The following FDX2 variants were observed in gnomAD, a reference collection of about 807,000 sequenced individuals.
FDX2 encodes ferredoxin 2, also known as ferredoxin-2, mitochondrial.
FDX2 carries 13 observed loss-of-function variants against 18.5 expected under a neutral mutation model. That is an observed-to-expected ratio of 0.70 (90% CI 0.46 to 1.12). The LOEUF (loss-of-function observed/expected upper bound fraction) is 1.12. FDX2 is among the 50% of genes most tolerant of loss of function. FDX2 has a pLI of 0.00. For missense variants in FDX2, 238 were observed against 250.4 expected (o/e 0.95, Z 0.34); for synonymous variants, 132 against 106.2 (o/e 1.24, Z -1.49).
At chr19:10,315,530 A>G in intron 2 of FDX2, 38 bp from the exon 3 acceptor site, 2 of 1,601,882 alleles carry the variant, frequency 1.2e-6, no homozygotes, top group Admixed American at 1.7e-5. Flanking sequence ...GAACTGGATG[A>G]TGGGCTCAGG....
Position 10,310,354 on chromosome 19 carries a change from G to A in FDX2, c.*132C>T. 8.0e-7 allele frequency: 1 copy of A among 1,252,826 alleles called. No homozygotes were observed. The highest frequency in any genetic ancestry group is 1.1e-6 in the Non-Finnish European group (1 of 900,806). The allele number at this position is 1,252,826 out of a possible 1,614,324, so 77.6% of individuals were successfully genotyped here. On this transcript the variant is annotated 3_prime_UTR_variant, in exon 5 of 5. Coordinates refer to ENST00000393708, the MANE Select transcript of FDX2 (RefSeq NM_001031734.4). Reference sequence around the variant, plus strand: ...GGACATGGGACTCTCTCCCAAGCAGGGGTGTTGTCCTTCACAGGGGCTTCC... The same window carrying A: ...GGACATGGGACTCTCTCCCAAGCAGAGGTGTTGTCCTTCACAGGGGCTTCC...
At position 10,315,895 on chromosome 19, in the gene FDX2, C is replaced by T. The variant is rs1568308191; in HGVS notation, c.111G>A (p.Gly37=). 6.2e-7 allele frequency: 1 copy of T among 1,604,418 alleles called. No individual in the cohort carries two copies. The stretch of plus-strand genomic sequence containing the variant: ...TGGTTGTCCCCAGCGCCACCCCCTC[C>T]CCCGACCCGGAAGTGCCCCCAGGTC... Residue 37 remains glycine (G), a synonymous_variant, in exon 1 of 5, where the codon GGG becomes GGA. Coordinates refer to ENST00000393708, the MANE Select transcript of FDX2 (RefSeq NM_001031734.4).
intron 3 of FDX2, among the ~76,000 whole-genome samples, chr19:10,312,215 A>C (rs1599291874): frequency 8.2e-6 from 1 of 121,886 alleles, no homozygotes; most frequent in Non-Finnish European, 1.6e-5. Flanking sequence ...GAGGTTCACC[A>C]TGTGGCCCAG....
At chr19:10,311,033 C>T (rs1599290907) in intron 3 of FDX2, 93 bp from the exon 4 acceptor site, 2 of 877,300 alleles carry the variant, frequency 2.3e-6, no homozygotes, top group Non-Finnish European at 1.8e-6. Context: ...CTCTCTTCCA[C>T]CACGTGCCTC....
At position 10,315,991 on chromosome 19, in the gene FDX2, G is replaced by T. The variant is rs150936648; in HGVS notation, c.15C>A (p.Ala5=). ...TCACGCCTCCCCGGGCCATGGAGGC[G>T]GCCATGACATGCATCACGTGACTCA... is the stretch of plus-strand genomic sequence containing the variant. Residue 5 remains alanine, a synonymous_variant, in exon 1 of 5, where the codon GCC becomes GCA. Transcript: ENST00000393708. 8.4e-4 allele frequency: 1,347 copies of T among 1,603,544 alleles called. 10 individuals carry two copies. In the East Asian group the frequency reaches 0.019, roughly 22 times the overall value.
At chr19:10,313,671 A>ATTTT (rs1198833749) in intron 3 of FDX2, among the ~76,000 whole-genome samples, 1 of 45,412 alleles carries the variant, frequency 2.2e-5, no homozygotes, top group East Asian at 7.7e-4. Flanking sequence ...ATATATATAT[A>ATTTT]TTTTTTTTTT....
chr19:10,315,498 G>C lies in FDX2; in HGVS notation c.210-6C>G. The C allele has an allele frequency of 1.2e-6, 2 of 1,613,148 alleles. No homozygotes were observed. ...CTACGAACACCACGTTCACCCTGGG[G>C]ACAGATGGAAGTGCGAATGCCGAAC... On this transcript the variant is annotated splice_region_variant and splice_polypyrimidine_tract_variant and intron_variant, in intron 2 of 4. Transcript: ENST00000393708.
At position 10,310,250 on chromosome 19, in the gene FDX2, G is replaced by A. The variant is rs2040308912; in HGVS notation, c.*236C>T. 3.4e-6 allele frequency: 2 copies of A among 580,294 alleles called. No individual in the cohort carries two copies. Among genetic ancestry groups the A allele is most frequent in the East Asian group, 5.7e-5 (2 of 34,936 alleles). The allele number at this position is 580,294 out of a possible 1,614,324, so 35.9% of individuals were successfully genotyped here. ...TCGATTTATTGCAGCTCCAATATGA[G>A]TCCACTCCTACTCAAACCCTGATTC... On this transcript the variant is annotated 3_prime_UTR_variant, in exon 5 of 5. Transcript: ENST00000393708.
chr19:10,310,990 G>T, intron 3 of FDX2, 50 bp from the exon 4 acceptor site: 1 of 1,392,978 alleles, frequency 7.2e-7, no homozygotes, highest in Non-Finnish European at 1.0e-6. Context: ...AGTCAGGAAG[G>T]GGCTGCTATG....
chr19:10,315,319 G>GTTTTTTTTTTTTTTTTTT (rs56213243), intron 3 of FDX2, 67 bp downstream of exon 3: 2 of 553,330 alleles, frequency 3.6e-6, no homozygotes, highest in Non-Finnish European at 5.5e-6. Flanking sequence ...TAATTTGTGG[G>GTTTTTTTTTTTTTTTTTT]TTTTTTTTTT....
At chr19:10,315,227 A>AGCTTG in intron 3 of FDX2, 159 bp downstream of exon 3, 1 of 602,910 alleles carries the variant, frequency 1.7e-6, no homozygotes, top group Non-Finnish European at 2.9e-6. Context: ...AACAAATAAG[A>AGCTTG]GCTTGGCAAC....
intron 3 of FDX2, 41 bp downstream of exon 3, chr19:10,315,345 A>AT: frequency 9.0e-6 from 10 of 1,114,244 alleles, no homozygotes; most frequent in Non-Finnish European, 1.1e-5. Context: ...TTTTGGACAA[A>AT]TGTATAAGGA....
At chr19:10,315,648 G>A (rs2040374732) in intron 2 of FDX2, 57 bp downstream of exon 2, 1 of 1,537,026 alleles carries the variant, frequency 6.5e-7, no homozygotes. Flanking sequence ...AGGGCAAGAT[G>A]GGGACCAGAG....
At chr19:10,315,553 T>C (rs1262574528) in intron 2 of FDX2, 61 bp from the exon 3 acceptor site, 3 of 1,577,972 alleles carry the variant, frequency 1.9e-6, no homozygotes, top group African/African-American at 1.4e-5. Flanking sequence ...CCGGGTAGAA[T>C]CTAGGGTTAG....
intron 3 of FDX2, among the ~76,000 whole-genome samples, chr19:10,312,792 C>T (rs2040337615): frequency 6.6e-6 from 1 of 152,136 alleles, no homozygotes; most frequent in African/African-American, 2.4e-5. Flanking sequence ...TCGCCTCAGC[C>T]TCCCAAAGTG....
At position 10,315,371 on chromosome 19, in the gene FDX2, C is replaced by T; in HGVS notation, c.316+15G>A. 7.1e-7 allele frequency: 1 copy of T among 1,413,442 alleles called. No individual in the cohort carries two copies. The highest frequency in any genetic ancestry group is 9.9e-7 in the Non-Finnish European group (1 of 1,014,802). The allele number at this position is 1,413,442 out of a possible 1,614,324, so 87.6% of individuals were successfully genotyped here. ...TGTATAAGGACCTCCTTAATTCCCT[C>T]TGCCCGGTTCCTACCTTCCAGGTCC... On this transcript the variant is annotated intron_variant, in intron 3 of 4. Coordinates refer to ENST00000393708, the MANE Select transcript of FDX2 (RefSeq NM_001031734.4).
intron 3 of FDX2, among the ~76,000 whole-genome samples, chr19:10,315,026 G>A (rs1322090697): frequency 1.3e-5 from 2 of 152,142 alleles, no homozygotes; most frequent in Non-Finnish European, 2.9e-5. Context: ...GCTTGAACCC[G>A]GGAGGTGGAG....
intron 4 of FDX2, 56 bp downstream of exon 4, chr19:10,310,797 G>A: frequency 6.4e-7 from 1 of 1,567,522 alleles, no homozygotes. Context: ...AGGATGGTGG[G>A]GGCTGCTGAA....
At chr19:10,311,499 G>A (rs1291801461) in intron 3 of FDX2, among the ~76,000 whole-genome samples, 2 of 150,944 alleles carry the variant, frequency 1.3e-5, no homozygotes, top group African/African-American at 2.4e-5. Flanking sequence ...CCGGGTTCAC[G>A]CCATTCTCCT....
Sources: gnomAD v4.1 joint callset for allele counts (sites outside exome capture counted in the v4.1 genomes callset) on GRCh38, gnomAD v4.1.1 for gene constraint, MANE v1.5 for transcripts, NCBI Gene and HGNC (gene_info 2026-07-23, HGNC 2026-07-21) for gene names.